The following CREB5 variants were observed in gnomAD, a reference collection of about 807,000 sequenced individuals.
The protein encoded by CREB5 is cyclic AMP-responsive element-binding protein 5.
In CREB5, 19 loss-of-function variants were observed where a neutral mutation model predicts 57.1. That is an observed-to-expected ratio of 0.33 (90% CI 0.23 to 0.49). CREB5 has a LOEUF of 0.49. Ranked by LOEUF, CREB5 falls within the 20% of genes least tolerant of loss-of-function variation. The pLI is 0.99. For missense variants in CREB5, 579 were observed against 671.6 expected (o/e 0.86, Z 1.52); for synonymous variants, 238 against 238.3 (o/e 1.00, Z 0.01).
intron 4 of CREB5, among the ~76,000 whole-genome samples, chr7:28,522,489 A>G (rs1387993374): frequency 6.9e-6 from 1 of 145,178 alleles, no homozygotes; most frequent in Non-Finnish European, 1.5e-5. Context: ...TCCGCCTCCC[A>G]GGTTCAAGCA....
chr7:28,477,135 G>A (rs185074614), intron 1 of CREB5, among the ~76,000 whole-genome samples: 1 of 152,308 alleles, frequency 6.6e-6, no homozygotes, highest in East Asian at 1.9e-4. Context: ...TGCCCAAGTT[G>A]AATCATATTT....
At chr7:28,553,808 T>C (rs1395801330) in intron 4 of CREB5, among the ~76,000 whole-genome samples, 1 of 152,230 alleles carries the variant, frequency 6.6e-6, no homozygotes, top group East Asian at 1.9e-4. Flanking sequence ...GCCTTATAAC[T>C]GGGCTATGCT....
chr7:28,664,386 A>G (rs561650058), intron 5 of CREB5, among the ~76,000 whole-genome samples: 43 of 152,320 alleles, frequency 2.8e-4, no homozygotes, highest in Middle Eastern at 3.4e-3. Flanking sequence ...GACTTTAAGA[A>G]TAATGCTTGT....
chr7:28,607,137 C>A (rs1416739490), intron 5 of CREB5, among the ~76,000 whole-genome samples: 1 of 152,174 alleles, frequency 6.6e-6, no homozygotes, highest in Non-Finnish European at 1.5e-5. Flanking sequence ...TCAGTATCCT[C>A]TCTTCTACTT....
At chr7:28,687,416 G>A (rs770135126) in intron 5 of CREB5, among the ~76,000 whole-genome samples, 8 of 151,530 alleles carry the variant, frequency 5.3e-5, no homozygotes, top group Non-Finnish European at 1.2e-4. Context: ...AATGTTTTAA[G>A]GATCTCGTGT....
At chr7:28,438,442 C>T (rs1789048783) in intron 1 of CREB5, among the ~76,000 whole-genome samples, 1 of 151,890 alleles carries the variant, frequency 6.6e-6, no homozygotes, top group Non-Finnish European at 1.5e-5. Context: ...CTCGGTTTTT[C>T]CTTACTTTTA....
At chr7:28,384,884 C>T (rs1160212080) in intron 1 of CREB5, among the ~76,000 whole-genome samples, 1 of 152,056 alleles carries the variant, frequency 6.6e-6, no homozygotes, top group African/African-American at 2.4e-5. Flanking sequence ...CTTGTTAAAA[C>T]TAAAATAATT....
In CREB5 at chr7:28,353,766, C is replaced by T. The variant is rs566347391; in HGVS notation, c.-25+54325C>T. On this transcript the variant is annotated intron_variant, in intron 1 of 9. Transcript: ENST00000396299. ...GCTGAGGCAGGAGAATGGCGTGAAC[C>T]CAGGAGGCGGAGCTTGCAGTGAGCA... Among the ~76,000 whole-genome samples, 11 of 150,992 alleles carry T rather than the reference C, an allele frequency of 7.3e-5. No individual in the cohort carries two copies. The East Asian group carries it at 2.1e-3, about 29-fold the overall frequency.
intron 5 of CREB5, among the ~76,000 whole-genome samples, chr7:28,611,168 G>A (rs1028487508): frequency 6.6e-6 from 1 of 151,894 alleles, no homozygotes; most frequent in Non-Finnish European, 1.5e-5. Flanking sequence ...TCATACATTG[G>A]GACAAAAGTG....
chr7:28,313,854 G>A (rs1057131375), intron 1 of CREB5, among the ~76,000 whole-genome samples: 2 of 152,186 alleles, frequency 1.3e-5, no homozygotes, highest in African/African-American at 4.8e-5. Flanking sequence ...AAAGTTTCTA[G>A]CACTTCAGGG....
intron 4 of CREB5, among the ~76,000 whole-genome samples, chr7:28,547,244 A>G (rs113630532): frequency 0.012 from 1,764 of 152,316 alleles, 28 homozygotes; most frequent in African/African-American, 0.041. Context: ...CAGAATGACC[A>G]TAGAAATTTA....
intron 5 of CREB5, among the ~76,000 whole-genome samples, chr7:28,575,390 T>C (rs1047135060): frequency 1.3e-5 from 2 of 152,192 alleles, no homozygotes; most frequent in African/African-American, 4.8e-5. Context: ...CTGAAGGTCA[T>C]GGCTTAAAGA....
In CREB5 at chr7:28,412,599, A is replaced by G. The variant is rs1386181906; in HGVS notation, c.-316A>G. 2.7e-5 allele frequency: 7 copies of G among 263,594 alleles called. No homozygotes were observed. Among genetic ancestry groups the G allele is most frequent in the Non-Finnish European group, 2.8e-5 (4 of 140,940 alleles). The allele number at this position is 263,594 out of a possible 1,614,324, so 16.3% of individuals were successfully genotyped here. A position where few individuals can be genotyped will look rare whatever the true frequency, so the allele number is the denominator to read the frequency against. On this transcript the variant is annotated 5_prime_UTR_variant, in exon 1 of 11. The change abolishes an upstream ATG in the 5' untranslated region. Coordinates refer to ENST00000357727, the MANE Select transcript of CREB5 (RefSeq NM_182898.4). ...CCACAAATTTTTAGTCACATTTTCC[A>G]TGTCAGTTAAATCTAGGGAGTTCAA...
intron 4 of CREB5, among the ~76,000 whole-genome samples, chr7:28,516,893 A>G (rs772592621): frequency 1.3e-5 from 2 of 152,212 alleles, no homozygotes; most frequent in Non-Finnish European, 2.9e-5. Flanking sequence ...GCTGTGAGTA[A>G]TTCAGGATTT....
At chr7:28,361,249 C>T (rs1245432808) in intron 1 of CREB5, among the ~76,000 whole-genome samples, 2 of 152,320 alleles carry the variant, frequency 1.3e-5, no homozygotes, top group East Asian at 3.9e-4. Flanking sequence ...CTATTTCATG[C>T]TCAGTGTTCC....
intron 5 of CREB5, among the ~76,000 whole-genome samples, chr7:28,671,650 T>A (rs1466616901): frequency 1.3e-5 from 2 of 152,212 alleles, no homozygotes; most frequent in Non-Finnish European, 2.9e-5. Flanking sequence ...CAGTTCTTAT[T>A]TGTTTTGTTT....
At chr7:28,672,362 T>C (rs1800094800) in intron 5 of CREB5, among the ~76,000 whole-genome samples, 1 of 152,152 alleles carries the variant, frequency 6.6e-6, no homozygotes, top group African/African-American at 2.4e-5. Context: ...TTGTAACACA[T>C]ATAAATTGGT....
chr7:28,466,210 TAAAAAAA>T (rs5883134), intron 1 of CREB5, among the ~76,000 whole-genome samples: 3 of 94,746 alleles, frequency 3.2e-5, no homozygotes, highest in African/African-American at 1.2e-4. Context: ...TGACTGGAGT[TAAAAAAA>T]AAAAAAAAAA....
chr7:28,621,237 T>A (rs1017623744), intron 5 of CREB5, among the ~76,000 whole-genome samples: 1 of 152,092 alleles, frequency 6.6e-6, no homozygotes, highest in Non-Finnish European at 1.5e-5. Flanking sequence ...GTAGCATAAT[T>A]CTTGCCAGGT....
Sources: allele counts gnomAD v4.1 joint callset (sites outside exome capture counted in the v4.1 genomes callset), GRCh38; gene constraint gnomAD v4.1.1; transcripts MANE v1.5; gene names NCBI Gene and HGNC (gene_info 2026-07-23, HGNC 2026-07-21).